The following CAPZB variants were observed in gnomAD, a reference collection of about 807,000 sequenced individuals.
CAPZB encodes F-actin-capping protein subunit beta.
Under a neutral mutation model 38.1 loss-of-function variants are expected in CAPZB, and 2 were observed. The ratio of observed to expected loss-of-function variants is 0.05; its 90% confidence interval spans 0.02 to 0.17. The LOEUF (loss-of-function observed/expected upper bound fraction) is 0.17. CAPZB is among the 10% of genes least tolerant of loss of function. The pLI, the probability that CAPZB is intolerant of heterozygous loss-of-function variation, is 1.00. For synonymous variants in CAPZB, 107 were observed against 127.4 expected (o/e 0.84, Z 1.08); for missense variants, 161 against 334.2 (o/e 0.48, Z 4.04).
intron 1 of CAPZB, among the ~76,000 whole-genome samples, chr1:19,425,424 T>C (rs2094418765): frequency 6.6e-6 from 1 of 152,142 alleles, no homozygotes; most frequent in Non-Finnish European, 1.5e-5. Flanking sequence ...ATGGAGCTTA[T>C]GGTGCAGTCA....
intron 1 of CAPZB, among the ~76,000 whole-genome samples, chr1:19,460,353 T>C (rs1301582141): frequency 6.6e-6 from 1 of 152,214 alleles, no homozygotes; most frequent in African/African-American, 2.4e-5. Flanking sequence ...CTCAGCTCAC[T>C]GCAAGCTCTG....
chr1:19,367,173 C>T (rs139100935), intron 4 of CAPZB, among the ~76,000 whole-genome samples: 28 of 152,326 alleles, frequency 1.8e-4, no homozygotes, highest in African/African-American at 6.3e-4. Context: ...AGACGGCACA[C>T]GAGGGGCTGG....
At chr1:19,343,287 G>A (rs2093942475) in intron 8 of CAPZB, among the ~76,000 whole-genome samples, 1 of 152,188 alleles carries the variant, frequency 6.6e-6, no homozygotes, top group Non-Finnish European at 1.5e-5. Context: ...GGTCCAAAGA[G>A]GACTCCTCCT....
At chr1:19,420,081 G>C (rs757023842) in intron 1 of CAPZB, 2 of 272,498 alleles carry the variant, frequency 7.3e-6, no homozygotes, top group Non-Finnish European at 1.4e-5. Context: ...GTGCCCCCCA[G>C]TTGGTTCCAT....
At chr1:19,417,190 C>T (rs1289011216) in intron 2 of CAPZB, among the ~76,000 whole-genome samples, 1 of 152,088 alleles carries the variant, frequency 6.6e-6, no homozygotes, top group East Asian at 1.9e-4. Flanking sequence ...ATGAGGGAGT[C>T]CCGGAGAAAA....
chr1:19,465,688 C>T (rs952387774), intron 1 of CAPZB, among the ~76,000 whole-genome samples: 6 of 152,080 alleles, frequency 3.9e-5, no homozygotes, highest in Non-Finnish European at 7.4e-5. Context: ...GAATGAAAAC[C>T]TCTGGATCTA....
intron 2 of CAPZB, among the ~76,000 whole-genome samples, chr1:19,399,564 G>A (rs1382854306): frequency 5.9e-5 from 9 of 152,126 alleles, no homozygotes; most frequent in Admixed American, 5.9e-4. Context: ...GCCATGAAAC[G>A]GTGCTACATG....
chr1:19,412,242 T>C (rs2094360232), intron 2 of CAPZB, among the ~76,000 whole-genome samples: 1 of 152,114 alleles, frequency 6.6e-6, no homozygotes, highest in African/African-American at 2.4e-5. Context: ...TTACCAGTGA[T>C]TCCATCCATT....
intron 6 of CAPZB, among the ~76,000 whole-genome samples, chr1:19,347,001 T>A (rs1474158602): frequency 6.6e-6 from 1 of 151,340 alleles, no homozygotes; most frequent in Non-Finnish European, 1.5e-5. Context: ...TTTTTATTTT[T>A]ATTTTTATTT....
intron 1 of CAPZB, chr1:19,484,774 G>A: frequency 2.0e-6 from 2 of 978,342 alleles, no homozygotes; most frequent in Non-Finnish European, 2.5e-6. Flanking sequence ...GAAAAGTCCA[G>A]GGAAGGGGAT....
intron 1 of CAPZB, among the ~76,000 whole-genome samples, chr1:19,446,365 T>C (rs940111547): frequency 6.6e-6 from 1 of 151,926 alleles, no homozygotes; most frequent in Non-Finnish European, 1.5e-5. Flanking sequence ...AAAGTTAAAG[T>C]GAGTAATATG....
chr1:19,432,563 A>G (rs1467360276), intron 1 of CAPZB, among the ~76,000 whole-genome samples: 3 of 152,262 alleles, frequency 2.0e-5, no homozygotes, highest in Non-Finnish European at 4.4e-5. Flanking sequence ...TTCAAACGCA[A>G]AAGGGAAGGA....
chr1:19,450,583 T>C (rs977906917), intron 1 of CAPZB, among the ~76,000 whole-genome samples: 9 of 152,176 alleles, frequency 5.9e-5, no homozygotes, highest in Middle Eastern at 3.4e-3. Context: ...GGGACTGAGG[T>C]AGGGAGAGGT....
chr1:19,441,570 C>T (rs561167719), intron 1 of CAPZB, among the ~76,000 whole-genome samples: 4 of 152,072 alleles, frequency 2.6e-5, no homozygotes, highest in South Asian at 2.1e-4. Flanking sequence ...TAACAACATA[C>T]ACCCAGGGTG....
At chr1:19,385,682 A>G (rs1055904827) in intron 2 of CAPZB, 56 bp from the exon 3 acceptor site, 1 of 1,611,186 alleles carries the variant, frequency 6.2e-7, no homozygotes, top group Non-Finnish European at 8.5e-7. Flanking sequence ...CACCAAACTC[A>G]GGTGGCTAAC....
intron 4 of CAPZB, among the ~76,000 whole-genome samples, chr1:19,369,954 A>G (rs1039412156): frequency 8.6e-5 from 13 of 151,936 alleles, no homozygotes; most frequent in African/African-American, 3.1e-4. Flanking sequence ...GCAGCCCTCC[A>G]CTCTAGCTGA....
At chr1:19,469,379 CTAAA>C (rs1199965739) in intron 1 of CAPZB, among the ~76,000 whole-genome samples, 1 of 152,114 alleles carries the variant, frequency 6.6e-6, no homozygotes, top group Non-Finnish European at 1.5e-5. Context: ...AGTTTCCTTC[CTAAA>C]TAATTTAAGT....
At chr1:19,453,604 C>T (rs971171350) in intron 1 of CAPZB, among the ~76,000 whole-genome samples, 3 of 152,142 alleles carry the variant, frequency 2.0e-5, no homozygotes, top group African/African-American at 7.2e-5. Context: ...GCCTTGTACC[C>T]GTGGCCCCTT....
chr1:19,421,699 T>G (rs1004833699), intron 1 of CAPZB, among the ~76,000 whole-genome samples: 5 of 152,230 alleles, frequency 3.3e-5, no homozygotes, highest in Non-Finnish European at 5.9e-5. Flanking sequence ...GAGAGACATA[T>G]TCAATTCCCA....
Sources: allele counts gnomAD v4.1 joint callset (sites outside exome capture counted in the v4.1 genomes callset), GRCh38; gene constraint gnomAD v4.1.1; transcripts MANE v1.5; gene names NCBI Gene and HGNC (gene_info 2026-07-23, HGNC 2026-07-21).